RFWD3: variants seen among roughly 807,000 people sequenced by gnomAD.
RFWD3 encodes the protein E3 ubiquitin-protein ligase RFWD3.
In RFWD3, 65 loss-of-function variants were observed where a neutral mutation model predicts 87.7. The ratio of observed to expected loss-of-function variants is 0.74; its 90% CI spans 0.61 to 0.91. The LOEUF is 0.91. RFWD3 is among the 40% of genes least tolerant of loss of function. The probability of loss-of-function intolerance (pLI) is 0.00; values close to 1 mark genes in which losing one functional copy is unlikely to be tolerated. For missense variants in RFWD3, 1,078 were observed against 938.5 expected (o/e 1.15, Z -1.94); for synonymous variants, 433 against 352.8 (o/e 1.23, Z -2.55).
intron 6 of RFWD3, chr16:74,643,851 TA>T (rs1256257326): frequency 1.8e-5 from 3 of 163,472 alleles, no homozygotes; most frequent in Non-Finnish European, 2.7e-5. Context: ...AATTTTTTTG[TA>T]TTTTTTAGTA....
chr16:74,640,864 G>A (rs1399689795), intron 6 of RFWD3, among the ~76,000 whole-genome samples: 6 of 152,046 alleles, frequency 3.9e-5, no homozygotes, highest in African/African-American at 7.2e-5. Flanking sequence ...ACTTAAACCC[G>A]GGAGGTGGAG....
chr16:74,661,025 G>A lies in RFWD3; in HGVS notation c.425C>T (p.Ser142Leu), dbSNP rs1325048524. 6 of 1,614,174 alleles carry A rather than the reference G, an allele frequency of 3.7e-6. No individual in the cohort carries two copies. Among genetic ancestry groups the A allele is most frequent in the Non-Finnish European group, 5.1e-6 (6 of 1,180,042 alleles). ...GMLEFLRPSS[S>L]NHSVGPMRTR... ...TCTCATTGGCCCTACACTGTGGTTT[G>A]AAGATGAAGGTCTCAGGAATTCCAG... Residue 142 changes from serine to leucine, a missense_variant, in exon 2 of 13, where the codon TCA becomes TTA. Transcript: ENST00000361070.
intron 8 of RFWD3, among the ~76,000 whole-genome samples, chr16:74,635,027 T>A (rs1231824236): frequency 6.6e-6 from 1 of 151,970 alleles, no homozygotes; most frequent in Non-Finnish European, 1.5e-5. Flanking sequence ...ACGCCTGTAA[T>A]CCCAGCACTT....
Position 74,660,872 on chromosome 16 carries a change from C to A in RFWD3, c.518+60G>T, listed in dbSNP as rs1961371130. 9 of 1,530,426 alleles carry A rather than the reference C, an allele frequency of 5.9e-6. No homozygotes were observed. The East Asian group carries it at 2.0e-4, about 35-fold the overall frequency. 94.8% of individuals were successfully genotyped at this position (1,530,426 alleles called of 1,614,324 possible). On this transcript the variant is annotated intron_variant, in intron 2 of 12. Transcript: ENST00000361070. The stretch of plus-strand genomic sequence containing the variant: ...CACTGTCAGTCCTTGAATGGCAGAG[C>A]CTCAGTTTCATAATTTCTAGTACAG...
chr16:74,652,882 T>A (rs1168020993), intron 2 of RFWD3, among the ~76,000 whole-genome samples: 1 of 152,190 alleles, frequency 6.6e-6, no homozygotes, highest in Non-Finnish European at 1.5e-5. Flanking sequence ...GGTCTTACAA[T>A]GTTGGCCAAG....
intron 6 of RFWD3, among the ~76,000 whole-genome samples, chr16:74,641,645 C>T (rs757885568): frequency 7.2e-5 from 11 of 151,926 alleles, no homozygotes; most frequent in Non-Finnish European, 1.5e-4. Context: ...AACTTTCTGG[C>T]CGGGTGCAGT....
At chr16:74,640,165 AAC>A (rs1305598702) in intron 6 of RFWD3, among the ~76,000 whole-genome samples, 5 of 149,960 alleles carry the variant, frequency 3.3e-5, no homozygotes, top group Admixed American at 2.0e-4. Context: ...TTTTTTTTGA[AAC>A]AGTCTTGCTC....
chr16:74,622,183 G>C lies in RFWD3; in HGVS notation c.*1745C>G, dbSNP rs1454547079. ...TCTTGGTGGCAATCTGCTGAAGCCA[G>C]ATGAGTTCTGCTTTTTAATTCCAAT... is the stretch of plus-strand genomic sequence containing the variant. On this transcript the variant is annotated 3_prime_UTR_variant, in exon 13 of 13. Transcript: ENST00000361070. 3 of 152,170 alleles carry C rather than the reference G, an allele frequency of 2.0e-5. No individual in the cohort carries two copies. The highest frequency in any genetic ancestry group is 4.4e-5 in the Non-Finnish European group (3 of 68,034). The allele number at this position is 152,170 out of a possible 1,614,324, so 9.4% of individuals were successfully genotyped here.
At position 74,660,960 on chromosome 16, in the gene RFWD3, C is replaced by G; in HGVS notation, c.490G>C (p.Gly164Arg). The G allele has an allele frequency of 3.1e-6, 5 of 1,613,860 alleles. No homozygotes were observed. The highest frequency in any genetic ancestry group is 4.2e-6 in the Non-Finnish European group (5 of 1,179,788). Residue 164 changes from glycine to arginine, a missense_variant, in exon 2 of 13, where the codon GGA (glycine) becomes CGA (arginine). Physicochemically the swap from Gly to Arg is moderately radical, Grantham distance 125. Coordinates refer to ENST00000361070, the MANE Select transcript of RFWD3 (RefSeq NM_018124.4). Reference sequence around the variant, plus strand: ...GCACTGTCTGTCCTCTGAGACCCTCCGGCTCTTGCCCTCCGTGAAGCAGAT... The same window carrying G: ...GCACTGTCTGTCCTCTGAGACCCTCGGGCTCTTGCCCTCCGTGAAGCAGAT... ...RVSASRRARA[G>R]GSQRTDSARL...
At chr16:74,647,634 C>A (rs1238500669) in intron 4 of RFWD3, among the ~76,000 whole-genome samples, 1 of 152,104 alleles carries the variant, frequency 6.6e-6, no homozygotes, top group African/African-American at 2.4e-5. Context: ...CTCCGTCTCC[C>A]AAGCTAGAGC....
At chr16:74,635,073 G>C (rs2144104452) in intron 8 of RFWD3, among the ~76,000 whole-genome samples, 1 of 152,240 alleles carries the variant, frequency 6.6e-6, no homozygotes. Flanking sequence ...GAGGTCAGGA[G>C]ATTGAGACCA....
intron 6 of RFWD3, among the ~76,000 whole-genome samples, chr16:74,643,669 GTTTTTTTT>G (rs35397997): frequency 9.5e-6 from 1 of 105,054 alleles, no homozygotes; most frequent in Non-Finnish European, 1.9e-5. Context: ...ACTAGCAACT[GTTTTTTTT>G]TTTTTTTTTT....
intron 6 of RFWD3, 110 bp downstream of exon 6, chr16:74,644,252 G>C (rs1959922647): frequency 1.0e-6 from 1 of 982,960 alleles, no homozygotes; most frequent in South Asian, 1.3e-5. Context: ...GAGATCCCAA[G>C]TCACAGGTCA....
intron 4 of RFWD3, 80 bp from the exon 5 acceptor site, chr16:74,644,815 C>T (rs763826550): frequency 2.2e-6 from 3 of 1,341,692 alleles, no homozygotes; most frequent in Non-Finnish European, 3.1e-6. Flanking sequence ...AAGAAATTAA[C>T]AGAAGTGCAA....
At chr16:74,634,587 C>T (rs1244431582) in intron 8 of RFWD3, among the ~76,000 whole-genome samples, 1 of 152,114 alleles carries the variant, frequency 6.6e-6, no homozygotes, top group Non-Finnish European at 1.5e-5. Context: ...TGGAGTCTCA[C>T]TATGTTGCCC....
chr16:74,633,848 G>T (rs1175037212), intron 8 of RFWD3, among the ~76,000 whole-genome samples: 2 of 152,004 alleles, frequency 1.3e-5, no homozygotes, highest in African/African-American at 4.8e-5. Flanking sequence ...TACTCAAGAG[G>T]CTGAGGTGGA....
intron 11 of RFWD3, 114 bp from the exon 12 acceptor site, chr16:74,626,668 T>A: frequency 1.4e-6 from 1 of 723,172 alleles, no homozygotes; most frequent in Non-Finnish European, 2.3e-6. Flanking sequence ...ATAAATGCAT[T>A]AAACCATCAA....
intron 10 of RFWD3, among the ~76,000 whole-genome samples, chr16:74,629,839 G>T (rs1361680528): frequency 6.6e-6 from 1 of 152,148 alleles, no homozygotes; most frequent in African/African-American, 2.4e-5. Context: ...CCAGGTCACA[G>T]ACCCTACTCC....
rs1959197651 is a variant in RFWD3 at position 74,636,391 on chromosome 16, A to G, written c.1381T>C (p.Cys461Arg). Residue 461 changes from cysteine (C) to arginine (R), a missense_variant, in exon 8 of 13, where the codon TGC (cysteine) becomes CGC (arginine). Transcript: ENST00000361070. Reference sequence around the variant, plus strand: ...GGAGAAGGCTGTGATATCACCAGGCAGCTCAGAGCATCACAGTATGCCATG... The same window carrying G: ...GGAGAAGGCTGTGATATCACCAGGCGGCTCAGAGCATCACAGTATGCCATG... ...RIMAYCDALS[C>R]LVISQPSPQA... 2 of 1,614,204 alleles carry G rather than the reference A, an allele frequency of 1.2e-6. No homozygotes were observed. Among genetic ancestry groups the G allele is most frequent in the East Asian group, 2.2e-5 (1 of 44,886 alleles).
Sources: gnomAD v4.1 joint callset for allele counts (sites outside exome capture counted in the v4.1 genomes callset) on GRCh38, gnomAD v4.1.1 for gene constraint, MANE v1.5 for transcripts, NCBI Gene and HGNC (gene_info 2026-07-23, HGNC 2026-07-21) for gene names.